CAST: variants seen among roughly 807,000 people sequenced by gnomAD.
CAST encodes calpastatin.
CAST carries 76 observed loss-of-function variants against 119.6 expected under a neutral mutation model. The ratio of observed to expected loss-of-function variants is 0.64; its 90% CI spans 0.53 to 0.77. CAST has a LOEUF of 0.77. CAST is among the 30% of genes least tolerant of loss of function. The pLI, the probability that CAST is intolerant of heterozygous loss-of-function variation, is 0.00. For synonymous variants in CAST, 319 were observed against 331.6 expected (o/e 0.96, Z 0.41); for missense variants, 953 against 946.5 (o/e 1.01, Z -0.09).
the CAST span, among the ~76,000 whole-genome samples, chr5:96,336,791 T>G: frequency 6.6e-6 from 1 of 152,188 alleles, no homozygotes; most frequent in African/African-American, 2.4e-5. Context: ...AAACACTCAA[T>G]TTGGAGTCAG....
At chr5:96,486,157 T>G in the CAST span, among the ~76,000 whole-genome samples, 6 of 152,170 alleles carry the variant, frequency 3.9e-5, no homozygotes, top group Middle Eastern at 3.4e-3. Flanking sequence ...AGGAGAGAGA[T>G]AATGAAAAAC....
chr5:96,598,501 C>T (rs531159016), intron 1 of CAST, among the ~76,000 whole-genome samples: 46 of 152,270 alleles, frequency 3.0e-4, no homozygotes, highest in Admixed American at 8.5e-4. Context: ...AATGGCCTGG[C>T]TCTACTTCTC....
the CAST span, chr5:96,410,748 G>T: frequency 6.4e-7 from 1 of 1,573,398 alleles, no homozygotes; most frequent in East Asian, 2.2e-5. Context: ...TAACTAAGCA[G>T]AGAGAATTAG....
At chr5:96,655,175 T>C (rs866463042) in intron 1 of CAST, among the ~76,000 whole-genome samples, 2 of 152,212 alleles carry the variant, frequency 1.3e-5, no homozygotes, top group South Asian at 4.1e-4. Context: ...GGCAGAGTGA[T>C]GAGCAAGACC....
At position 96,773,078 on chromosome 5, in the gene CAST, A is replaced by AC. The variant is rs1773043237; in HGVS notation, c.*467dup. On this transcript the variant is annotated 3_prime_UTR_variant, in exon 32 of 32. Transcript: ENST00000675179. ...TTCTTCAGTGTTCTGATTTCTTATT[A>AC]CCCCCTTTCCTCTTGGGCTTTTGAA... is the stretch of plus-strand genomic sequence containing the variant. The AC allele has an allele frequency of 6.5e-6, 1 of 153,644 alleles. No homozygotes were observed. Among genetic ancestry groups the AC allele is most frequent in the Non-Finnish European group, 1.5e-5 (1 of 67,976 alleles). The allele number at this position is 153,644 out of a possible 1,614,324, so 9.5% of individuals were successfully genotyped here.
At chr5:96,291,765 T>C in the CAST span, among the ~76,000 whole-genome samples, 1 of 151,812 alleles carries the variant, frequency 6.6e-6, no homozygotes, top group African/African-American at 2.4e-5. Flanking sequence ...CCAGGAGTCA[T>C]AGACCCATAG....
chr5:96,697,749 C>A (rs957457535), intron 3 of CAST, among the ~76,000 whole-genome samples: 3 of 152,150 alleles, frequency 2.0e-5, no homozygotes, highest in Non-Finnish European at 4.4e-5. Context: ...TTGTCCAGTC[C>A]CACTGAGCTT....
At chr5:95,961,677 A>G in the CAST span, 1 of 1,607,102 alleles carries the variant, frequency 6.2e-7, no homozygotes, top group Non-Finnish European at 8.5e-7. Context: ...ACGACAGCCC[A>G]TAGCGCTGCT....
chr5:96,634,024 C>T (rs1388057516), intron 1 of CAST, among the ~76,000 whole-genome samples: 1 of 152,078 alleles, frequency 6.6e-6, no homozygotes, highest in Non-Finnish European at 1.5e-5. Flanking sequence ...TTTTTATTTC[C>T]TCAATATGTC....
At chr5:96,313,387 C>T in the CAST span, among the ~76,000 whole-genome samples, 1 of 152,100 alleles carries the variant, frequency 6.6e-6, no homozygotes, top group Non-Finnish European at 1.5e-5. Flanking sequence ...ATTTGTGTCT[C>T]ATAGTTTTTT....
At chr5:96,554,632 G>C (rs540581738) in intron 1 of CAST, among the ~76,000 whole-genome samples, 2 of 152,280 alleles carry the variant, frequency 1.3e-5, no homozygotes, top group East Asian at 3.9e-4. Context: ...TACAGAATGG[G>C]AGAAAATTTT....
the CAST span, among the ~76,000 whole-genome samples, chr5:96,376,691 T>C: frequency 6.6e-6 from 1 of 152,200 alleles, no homozygotes; most frequent in Admixed American, 6.6e-5. Flanking sequence ...TCTGCCTGCC[T>C]GGCCTCCCAA....
chr5:96,105,417 C>T, the CAST span, among the ~76,000 whole-genome samples: 1 of 152,174 alleles, frequency 6.6e-6, no homozygotes, highest in Non-Finnish European at 1.5e-5. Context: ...CCCATCAATA[C>T]CTAATTTATT....
At chr5:96,049,805 A>G in the CAST span, among the ~76,000 whole-genome samples, 3 of 146,230 alleles carry the variant, frequency 2.1e-5, no homozygotes, top group Non-Finnish European at 3.0e-5. Context: ...GGTATTTTCT[A>G]AGGAAAATGT....
chr5:96,518,925 T>C, the CAST span, among the ~76,000 whole-genome samples: 1 of 151,440 alleles, frequency 6.6e-6, no homozygotes, highest in Non-Finnish European at 1.5e-5. Flanking sequence ...GGCAGGAGGC[T>C]GAGGCAGAGA....
At chr5:96,722,425 T>C (rs937120276) in intron 3 of CAST, among the ~76,000 whole-genome samples, 4 of 144,752 alleles carry the variant, frequency 2.8e-5, no homozygotes, top group African/African-American at 1.0e-4. Context: ...TACCCGAGAT[T>C]GTTTAGTAAA....
At chr5:96,455,383 AC>A in the CAST span, among the ~76,000 whole-genome samples, 1 of 152,228 alleles carries the variant, frequency 6.6e-6, no homozygotes, top group African/African-American at 2.4e-5. Context: ...CCAACAGGTG[AC>A]TTTTATTTTG....
At chr5:95,984,867 T>C in the CAST span, among the ~76,000 whole-genome samples, 2 of 152,224 alleles carry the variant, frequency 1.3e-5, no homozygotes, top group South Asian at 2.1e-4. Flanking sequence ...ATCAAAATAT[T>C]AATGTTTTTA....
the CAST span, among the ~76,000 whole-genome samples, chr5:96,422,959 A>G: frequency 2.1e-5 from 3 of 145,330 alleles, no homozygotes; most frequent in African/African-American, 8.6e-5. Context: ...GTGAGGAGGG[A>G]AACTGTGACA....
Sources: allele counts gnomAD v4.1 joint callset (sites outside exome capture counted in the v4.1 genomes callset), GRCh38; gene constraint gnomAD v4.1.1; transcripts MANE v1.5; gene names NCBI Gene and HGNC (gene_info 2026-07-23, HGNC 2026-07-21).